Variants in POU2F1 observed in about 807,000 individuals in gnomAD.
POU2F1 encodes the protein POU class 2 homeobox 1.
In POU2F1, 16 loss-of-function variants were observed where a neutral mutation model predicts 84.9. The observed-to-expected ratio is 0.19, with a 90% CI of 0.13 to 0.29. POU2F1 has a LOEUF of 0.29. Ranked by LOEUF, POU2F1 falls within the 10% of genes least tolerant of loss-of-function variation. POU2F1 has a pLI of 1.00. For missense variants in POU2F1, 738 were observed against 942.6 expected (o/e 0.78, Z 2.84); for synonymous variants, 368 against 368.3 (o/e 1.00, Z 0.01).
intron 1 of POU2F1, among the ~76,000 whole-genome samples, chr1:167,224,339 T>C (rs1648462687): frequency 6.6e-6 from 1 of 152,172 alleles, no homozygotes; most frequent in Admixed American, 6.5e-5. Context: ...TTAGAATCCA[T>C]TTCAGTGAAT....
At chr1:167,280,382 T>C (rs996301719) in intron 1 of POU2F1, among the ~76,000 whole-genome samples, 17 of 151,900 alleles carry the variant, frequency 1.1e-4, no homozygotes, top group Non-Finnish European at 2.5e-4. Context: ...TTCAGACTTT[T>C]AGTTTTTATA....
intron 9 of POU2F1, among the ~76,000 whole-genome samples, chr1:167,391,910 T>C (rs1221829235): frequency 6.6e-6 from 1 of 152,122 alleles, no homozygotes; most frequent in Non-Finnish European, 1.5e-5. Context: ...ATCAATTGTG[T>C]TGGGGAATAT....
intron 1 of POU2F1, among the ~76,000 whole-genome samples, chr1:167,292,698 A>T (rs1038417283): frequency 1.8e-4 from 27 of 151,986 alleles, no homozygotes; most frequent in African/African-American, 6.5e-4. Context: ...AATAAATAAA[A>T]ATTAAAAAGA....
At chr1:167,391,966 C>A (rs957244425) in intron 9 of POU2F1, among the ~76,000 whole-genome samples, 1 of 152,110 alleles carries the variant, frequency 6.6e-6, no homozygotes, top group Non-Finnish European at 1.5e-5. Flanking sequence ...AATACAGTTA[C>A]ATTTGTGAGG....
chr1:167,268,720 T>C (rs553187530), intron 1 of POU2F1, among the ~76,000 whole-genome samples: 91 of 152,246 alleles, frequency 6.0e-4, no homozygotes, highest in African/African-American at 2.0e-3. Context: ...TTATCTCCTT[T>C]TAAAAACCTA....
At chr1:167,407,901 G>A (rs1440986826) in intron 13 of POU2F1, among the ~76,000 whole-genome samples, 1 of 152,118 alleles carries the variant, frequency 6.6e-6, no homozygotes, top group East Asian at 1.9e-4. Context: ...AAAAAAATTA[G>A]TAAATTCAGC....
chr1:167,415,773 C>G lies in POU2F1; in HGVS notation c.2264C>G (p.Ala755Gly). Residue 755 changes from alanine (A) to glycine (G), a missense_variant, in exon 16 of 16, where the codon GCT becomes GGT. Around this residue, in one of 4 missense-constraint regions of POU2F1, gnomAD observed 319 missense variants for 386.0 expected, o/e 0.83. Coordinates refer to ENST00000367866, the MANE Select transcript of POU2F1 (RefSeq NM_002697.4). Reference sequence around the variant, plus strand: ...TTCACAGTGGCCTCTGCCAGCGGGGCTGCGTCCACCACCACCACCGCCTCC... The same window carrying G: ...TTCACAGTGGCCTCTGCCAGCGGGGGTGCGTCCACCACCACCACCGCCTCC... ...SLFTVASASG[A>G]ASTTTTASKA... The G allele has an allele frequency of 6.2e-7, 1 of 1,614,104 alleles. No homozygotes were observed. Among genetic ancestry groups the G allele is most frequent in the Non-Finnish European group, 8.5e-7 (1 of 1,179,998 alleles).
intron 1 of POU2F1, among the ~76,000 whole-genome samples, chr1:167,239,777 G>A (rs1054222014): frequency 2.6e-5 from 4 of 152,084 alleles, no homozygotes; most frequent in South Asian, 2.1e-4. Flanking sequence ...ACAGTTGGCC[G>A]GCCATCCATT....
intron 1 of POU2F1, among the ~76,000 whole-genome samples, chr1:167,317,720 G>A (rs1656012875): frequency 6.6e-6 from 1 of 152,144 alleles, no homozygotes; most frequent in Admixed American, 6.5e-5. Flanking sequence ...CCCTCCTTCC[G>A]GTAAACCAAC....
chr1:167,369,656 T>C (rs1659883604), intron 3 of POU2F1, among the ~76,000 whole-genome samples: 1 of 152,204 alleles, frequency 6.6e-6, no homozygotes, highest in Non-Finnish European at 1.5e-5. Context: ...TTTTAAGTTA[T>C]GATTATAAAT....
intron 1 of POU2F1, among the ~76,000 whole-genome samples, chr1:167,251,350 G>C (rs1256928961): frequency 6.6e-6 from 1 of 152,180 alleles, no homozygotes; most frequent in Non-Finnish European, 1.5e-5. Flanking sequence ...AGTGAGCTGA[G>C]ATCATGCCAC....
intron 2 of POU2F1, among the ~76,000 whole-genome samples, chr1:167,350,145 T>TA (rs1448776536): frequency 6.6e-6 from 1 of 152,232 alleles, no homozygotes; most frequent in Non-Finnish European, 1.5e-5. Context: ...AAGCCAATGA[T>TA]ACTAAGTATT....
chr1:167,241,361 T>C (rs934979228), intron 1 of POU2F1: 3 of 152,142 alleles, frequency 2.0e-5, no homozygotes, highest in African/African-American at 7.2e-5. Flanking sequence ...ACTAAATATT[T>C]CGTTTTAAAA....
chr1:167,412,416 C>A, intron 14 of POU2F1, 112 bp downstream of exon 14: 2 of 978,356 alleles, frequency 2.0e-6, no homozygotes, highest in Non-Finnish European at 1.5e-6. Flanking sequence ...GTCTTTAAAG[C>A]AGTAATCTCT....
At chr1:167,250,664 A>G (rs992569894) in intron 1 of POU2F1, among the ~76,000 whole-genome samples, 1 of 152,172 alleles carries the variant, frequency 6.6e-6, no homozygotes, top group Non-Finnish European at 1.5e-5. Flanking sequence ...TGGACCCTGG[A>G]GGCATTTTCT....
At chr1:167,265,172 T>C (rs1651853426) in intron 1 of POU2F1, among the ~76,000 whole-genome samples, 1 of 152,212 alleles carries the variant, frequency 6.6e-6, no homozygotes, top group Non-Finnish European at 1.5e-5. Context: ...AAGTATTAGT[T>C]GAATGAGTAG....
rs180913446 is a variant in POU2F1, at chr1:167,234,023, A to G, written c.61+13065A>G. ...TAGGAAACCGAGGCTTAAAGAGGCT[A>G]AGTGGCACACCTAGGTCTCTGTTTT... On this transcript the variant is annotated intron_variant, in intron 1 of 15. Coordinates refer to ENST00000367866, the MANE Select transcript of POU2F1 (RefSeq NM_002697.4). Among the ~76,000 whole-genome samples the G allele has an allele frequency of 9.7e-4, 148 of 152,350 alleles. 1 individual carries two copies. Among genetic ancestry groups the G allele is most frequent in the Non-Finnish European group, 1.4e-3 (96 of 68,026 alleles).
intron 1 of POU2F1, among the ~76,000 whole-genome samples, chr1:167,245,113 T>G (rs1164256066): frequency 6.6e-6 from 1 of 152,024 alleles, no homozygotes; most frequent in African/African-American, 2.4e-5. Flanking sequence ...TCAGTGAAAC[T>G]TTTTTTTAAA....
At chr1:167,349,092 C>A (rs967510452) in intron 2 of POU2F1, among the ~76,000 whole-genome samples, 1 of 151,986 alleles carries the variant, frequency 6.6e-6, no homozygotes, top group Non-Finnish European at 1.5e-5. Context: ...TGTTAAAATT[C>A]TTAGATTTTA....
Sources: allele counts gnomAD v4.1 joint callset (sites outside exome capture counted in the v4.1 genomes callset), GRCh38; gene constraint gnomAD v4.1.1; regional missense constraint gnomAD v4.1.1; transcripts MANE v1.5; gene names NCBI Gene and HGNC (gene_info 2026-07-23, HGNC 2026-07-21).